Variants in TRAPPC8 observed in about 807,000 individuals in gnomAD.
TRAPPC8 encodes the protein trafficking protein particle complex subunit 8, also known as general sporulation gene 1 homolog.
A neutral mutation model predicts 174.3 loss-of-function variants in TRAPPC8; 54 were observed. That is an observed-to-expected ratio of 0.31 (90% confidence interval 0.25 to 0.39). The LOEUF (loss-of-function observed/expected upper bound fraction) is 0.39, where lower values mean the gene tolerates loss of function less well. Ranked by LOEUF, TRAPPC8 falls within the 10% of genes least tolerant of loss-of-function variation. The pLI is 1.00. For missense variants in TRAPPC8, 1,531 were observed against 1,699.1 expected, an observed-to-expected ratio of 0.90 and a Z score of 1.74; for synonymous variants, 630 against 579.9, an observed-to-expected ratio of 1.09 and a Z score of -1.24.
chr18:31,933,828 T>A (rs1290733754), intron 1 of TRAPPC8, among the ~76,000 whole-genome samples: 2 of 152,126 alleles, frequency 1.3e-5, no homozygotes, highest in Non-Finnish European at 2.9e-5. Flanking sequence ...TCAAAAACGT[T>A]TTTAAAATAC....
chr18:31,933,957 G>A (rs929987103), intron 1 of TRAPPC8, among the ~76,000 whole-genome samples: 1 of 152,100 alleles, frequency 6.6e-6, no homozygotes, highest in Admixed American at 6.6e-5. Context: ...GGAGGCTGAA[G>A]CGGGCGGAAC....
intron 9 of TRAPPC8, among the ~76,000 whole-genome samples, chr18:31,905,631 TG>T (rs1358446351): frequency 6.6e-6 from 1 of 152,230 alleles, no homozygotes. Context: ...TTAATGTTTT[TG>T]TTTGTGCTCT....
chr18:31,890,755 G>T lies in TRAPPC8; in HGVS notation c.1708C>A (p.Arg570=). The T allele has an allele frequency of 6.2e-7, 1 of 1,610,844 alleles. No homozygotes were observed. The highest frequency in any genetic ancestry group is 8.5e-7 in the Non-Finnish European group (1 of 1,178,360). ...YAFHMILAGH[R]FSKAGQKKHA... The stretch of plus-strand genomic sequence containing the variant: ...CTCACCTGCCCTGCTTTACTAAATC[G>T]ATGGCCTGCCAATATCATATGAAAT... Residue 570 remains arginine (R), a synonymous_variant, in exon 12 of 29, where the codon CGA becomes AGA. Transcript: ENST00000283351.
intron 27 of TRAPPC8, 184 bp from the exon 28 acceptor site, chr18:31,832,357 T>C (rs1314409422): frequency 2.5e-5 from 6 of 244,862 alleles, no homozygotes; most frequent in Non-Finnish European, 4.6e-5. Flanking sequence ...AAAAAATATA[T>C]TAATACAATG....
chr18:31,874,164 TA>T, intron 13 of TRAPPC8: 1 of 376,312 alleles, frequency 2.7e-6, no homozygotes, highest in South Asian at 5.3e-5. Context: ...AAACCAACTG[TA>T]AAATCAGTTG....
intron 1 of TRAPPC8, among the ~76,000 whole-genome samples, chr18:31,941,560 C>G (rs1011147629): frequency 2.0e-5 from 3 of 152,130 alleles, no homozygotes; most frequent in Non-Finnish European, 4.4e-5. Flanking sequence ...AAAGAAAATC[C>G]AAAAGTTTCC....
At chr18:31,886,620 C>G in intron 12 of TRAPPC8, among the ~76,000 whole-genome samples, 1 of 152,142 alleles carries the variant, frequency 6.6e-6, no homozygotes, top group South Asian at 2.1e-4. Context: ...TGACTACTTT[C>G]ATGCCACTTC....
chr18:31,907,203 A>T (rs1351592876), intron 9 of TRAPPC8, among the ~76,000 whole-genome samples: 1 of 152,114 alleles, frequency 6.6e-6, no homozygotes, highest in Non-Finnish European at 1.5e-5. Flanking sequence ...GGCTGGTCTC[A>T]AACGCTTGGG....
In TRAPPC8 at chr18:31,857,658, G is replaced by C. The variant is rs2034094786; in HGVS notation, c.3070C>G (p.Leu1024Val). 1 of 1,614,158 alleles carries C rather than the reference G, an allele frequency of 6.2e-7. No homozygotes were observed. Among genetic ancestry groups the C allele is most frequent in the East Asian group, 2.2e-5 (1 of 44,882 alleles). Residue 1024 changes from leucine to valine, a missense_variant, in exon 20 of 29, where the codon CTT becomes GTT. Transcript: ENST00000283351. ...VIPVPLPDTV[L>V]LPGASVQLPM... ...AGCTGCACTGAGGCTCCGGGTAGAA[G>C]AACAGTGTCAGGAAGGGGAACAGGA...
Position 31,897,822 on chromosome 18 carries a change from T to C in TRAPPC8, c.1560A>G (p.Ser520=). Residue 520 remains serine (S), a synonymous_variant, in exon 11 of 29, where the codon TCA becomes TCG. Coordinates refer to ENST00000283351, the MANE Select transcript of TRAPPC8 (RefSeq NM_014939.5). The part of the protein sequence containing the change: ...AELLKSQSKY[S]EAAALLIRLT... ...ACCGTATTAGGAGAGCTGCAGCCTCTGAATATTTGCTTTGGCTTTTTAAAA... is the reference window on the plus strand; with the variant it reads ...ACCGTATTAGGAGAGCTGCAGCCTCCGAATATTTGCTTTGGCTTTTTAAAA... The C allele has an allele frequency of 6.2e-7, 1 of 1,611,522 alleles. No individual in the cohort carries two copies.
chr18:31,856,358 T>G (rs575467865), intron 20 of TRAPPC8, among the ~76,000 whole-genome samples: 33 of 152,264 alleles, frequency 2.2e-4, no homozygotes, highest in Admixed American at 5.9e-4. Context: ...TTAGGGTTAA[T>G]GTGCTGTACT....
intron 12 of TRAPPC8, among the ~76,000 whole-genome samples, chr18:31,886,058 T>G (rs1282970460): frequency 6.6e-6 from 1 of 150,784 alleles, no homozygotes; most frequent in Non-Finnish European, 1.5e-5. Flanking sequence ...CAGGCTGGAG[T>G]GCAATGGTGC....
rs751078948 is a variant in TRAPPC8, at chr18:31,871,068, T to C, written c.2115A>G (p.Glu705=). 1.9e-5 allele frequency: 31 copies of C among 1,604,144 alleles called. No individual in the cohort carries two copies. Among genetic ancestry groups the C allele is most frequent in the South Asian group, 1.6e-4 (14 of 89,432 alleles). The part of the protein sequence containing the change: ...HVSLDQEYDS[E]SSQQWRELEE... ...CAAGTTCTCGCCACTGCTGAGAGGA[T>C]TCAGAATCATATTCTTGATCAAGAC... Residue 705 remains glutamate (E), a synonymous_variant, in exon 15 of 29, where the codon GAA becomes GAG. Transcript: ENST00000283351.
chr18:31,928,634 A>T (rs1200560168), intron 2 of TRAPPC8, among the ~76,000 whole-genome samples: 1 of 152,178 alleles, frequency 6.6e-6, no homozygotes, highest in Non-Finnish European at 1.5e-5. Context: ...CTTTTGGCAT[A>T]CCAGGTATGC....
Position 31,891,033 on chromosome 18 carries a change from A to T in TRAPPC8, c.1597-167T>A, listed in dbSNP as rs191487673. Reference sequence around the variant, plus strand: ...GAAAACCAATCTTGATTTTTCCAATAAACACAAAATTCTTTTAAGCTTTGA... The same window carrying T: ...GAAAACCAATCTTGATTTTTCCAATTAACACAAAATTCTTTTAAGCTTTGA... On this transcript the variant is annotated intron_variant, in intron 11 of 28. Coordinates refer to ENST00000283351, the MANE Select transcript of TRAPPC8 (RefSeq NM_014939.5). 47 of 450,978 alleles carry T rather than the reference A, an allele frequency of 1.0e-4. No individual in the cohort carries two copies. The Admixed American group carries it at 1.4e-3, about 14-fold the overall frequency. The allele number at this position is 450,978 out of a possible 1,614,324, so 27.9% of individuals were successfully genotyped here. A position where few individuals can be genotyped will look rare whatever the true frequency, so the allele number is the denominator to read the frequency against.
At chr18:31,929,201 AAAAG>A (rs2037750410) in intron 2 of TRAPPC8, among the ~76,000 whole-genome samples, 1 of 150,700 alleles carries the variant, frequency 6.6e-6, no homozygotes, top group Non-Finnish European at 1.5e-5. Flanking sequence ...GAAAAAAAAA[AAAAG>A]AAAAGAATCC....
intron 12 of TRAPPC8, among the ~76,000 whole-genome samples, chr18:31,880,090 A>AAAAAAAATATAT (rs1259899654): frequency 1.1e-4 from 9 of 85,352 alleles, no homozygotes; most frequent in African/African-American, 4.7e-4. Context: ...TGAAAAAAAA[A>AAAAAAAATATAT]ATATATATAT....
chr18:31,919,221 G>T (rs996766313), intron 2 of TRAPPC8, among the ~76,000 whole-genome samples: 1 of 152,052 alleles, frequency 6.6e-6, no homozygotes, highest in Non-Finnish European at 1.5e-5. Context: ...AGGGCATGGC[G>T]TTTCACACCT....
chr18:31,885,137 G>T (rs190575320), intron 12 of TRAPPC8, among the ~76,000 whole-genome samples: 1 of 152,118 alleles, frequency 6.6e-6, no homozygotes, highest in African/African-American at 2.4e-5. Context: ...GATTATAGGC[G>T]TGAGCCACCG....
Sources: allele counts gnomAD v4.1 joint callset (sites outside exome capture counted in the v4.1 genomes callset), GRCh38; gene constraint gnomAD v4.1.1; transcripts MANE v1.5; gene names NCBI Gene and HGNC (gene_info 2026-07-23, HGNC 2026-07-21).